DIAPH2: variants seen among roughly 807,000 people sequenced by gnomAD.
DIAPH2 encodes diaphanous related formin 2.
A neutral mutation model predicts 92.7 loss-of-function variants in DIAPH2; 35 were observed. The ratio of observed to expected loss-of-function variants is 0.38; its 90% confidence interval spans 0.29 to 0.50. The LOEUF (loss-of-function observed/expected upper bound fraction) is 0.50, where lower values mean the gene tolerates loss of function less well. Among genes scored for constraint, DIAPH2 ranks in the 20% least tolerant of loss-of-function variants. DIAPH2 has a pLI of 0.94. For synonymous variants in DIAPH2, 301 were observed against 280.4 expected, an observed-to-expected ratio of 1.07 and a Z score of -0.73; for missense variants, 701 against 819.5, an observed-to-expected ratio of 0.86 and a Z score of 1.77.
intron 24 of DIAPH2, among the ~76,000 whole-genome samples, chrX:97,371,802 AC>A (rs1196237768): frequency 9.0e-6 from 1 of 111,090 alleles, no homozygotes; most frequent in African/African-American, 3.3e-5. Context: ...GTCACATACC[AC>A]TTGTTTTGTC....
At chrX:97,394,879 A>G (rs2069690659) in intron 25 of DIAPH2, among the ~76,000 whole-genome samples, 1 of 111,555 alleles carries the variant, frequency 9.0e-6, no homozygotes, top group Admixed American at 9.6e-5. Flanking sequence ...TGTGATTGAA[A>G]TGAGTTTACC....
chrX:97,427,049 G>A (rs1313675295), intron 25 of DIAPH2, among the ~76,000 whole-genome samples: 1 of 108,293 alleles, frequency 9.2e-6, no homozygotes, highest in African/African-American at 3.4e-5. Context: ...ATGGTGGCAG[G>A]CGCCTGTAAT....
intron 14 of DIAPH2, among the ~76,000 whole-genome samples, chrX:96,948,227 A>T (rs1487104345): frequency 2.7e-5 from 3 of 112,498 alleles, no homozygotes; most frequent in African/African-American, 9.7e-5. Flanking sequence ...AAGGAGTTGA[A>T]ACTGCTTGAT....
chrX:97,309,184 T>A (rs761294955), intron 23 of DIAPH2, among the ~76,000 whole-genome samples: 104 of 109,030 alleles, frequency 9.5e-4, no homozygotes, highest in African/African-American at 3.3e-3. Flanking sequence ...TACTGCAACA[T>A]CTGCCTCCTG....
intron 14 of DIAPH2, among the ~76,000 whole-genome samples, chrX:96,946,029 T>A (rs951277773): frequency 8.9e-6 from 1 of 111,760 alleles, no homozygotes; most frequent in Non-Finnish European, 1.9e-5. Flanking sequence ...TTGCAGTGTT[T>A]TCTCTCTTTC....
chrX:97,499,768 T>TA (rs1320806050), intron 26 of DIAPH2, among the ~76,000 whole-genome samples: 4 of 112,367 alleles, frequency 3.6e-5, no homozygotes, highest in Non-Finnish European at 5.6e-5. Context: ...TATGCAGCCA[T>TA]AAAAAAGATA....
chrX:97,370,886 A>G (rs2069442056), intron 24 of DIAPH2, among the ~76,000 whole-genome samples: 1 of 112,367 alleles, frequency 8.9e-6, no homozygotes, highest in Admixed American at 9.5e-5. Context: ...CCTCACCAAC[A>G]CAAGTTTAGG....
At chrX:96,768,547 T>G (rs2064318117) in intron 4 of DIAPH2, among the ~76,000 whole-genome samples, 1 of 111,747 alleles carries the variant, frequency 8.9e-6, no homozygotes, top group Non-Finnish European at 1.9e-5. Flanking sequence ...ATATAAAATA[T>G]AATGACAGGT....
chrX:96,780,153 C>T (rs773752153), intron 4 of DIAPH2, among the ~76,000 whole-genome samples: 1 of 112,211 alleles, frequency 8.9e-6, no homozygotes, highest in Non-Finnish European at 1.9e-5. Flanking sequence ...TGTAAATCAT[C>T]TGGATGTTTT....
At chrX:97,412,355 T>G (rs1213977329) in intron 25 of DIAPH2, among the ~76,000 whole-genome samples, 1 of 111,954 alleles carries the variant, frequency 8.9e-6, no homozygotes, top group Non-Finnish European at 1.9e-5. Flanking sequence ...TTGAAACCAG[T>G]GAGAACAAAG....
At chrX:97,099,446 C>T (rs1468163169) in intron 19 of DIAPH2, among the ~76,000 whole-genome samples, 1 of 111,241 alleles carries the variant, frequency 9.0e-6, no homozygotes, top group Non-Finnish European at 1.9e-5. Context: ...CTTATGTGAT[C>T]TTTTATTCAA....
chrX:97,157,053 G>A (rs1477584647), intron 22 of DIAPH2, among the ~76,000 whole-genome samples: 1 of 111,231 alleles, frequency 9.0e-6, no homozygotes, highest in Non-Finnish European at 1.9e-5. Flanking sequence ...GGTGGCTCAC[G>A]CCTGTAATCC....
At chrX:96,766,541 G>A (rs1172788851) in intron 4 of DIAPH2, among the ~76,000 whole-genome samples, 1 of 111,421 alleles carries the variant, frequency 9.0e-6, no homozygotes, top group Non-Finnish European at 1.9e-5. Context: ...GTACAAAAGG[G>A]CTTTTGCATC....
chrX:97,325,882 T>TTATTTTAGG (rs1168797913), intron 23 of DIAPH2, among the ~76,000 whole-genome samples: 2 of 112,337 alleles, frequency 1.8e-5, no homozygotes, highest in Non-Finnish European at 3.8e-5. Context: ...CGGCCTAATG[T>TTATTTTAGG]TATTTTAGGT....
chrX:96,981,426 TA>T (rs2065996796), intron 17 of DIAPH2, among the ~76,000 whole-genome samples: 1 of 111,852 alleles, frequency 8.9e-6, no homozygotes, highest in Admixed American at 9.5e-5. Context: ...AATACAATAA[TA>T]ATCAATAGAA....
At chrX:97,082,299 A>G (rs2066751738) in intron 19 of DIAPH2, among the ~76,000 whole-genome samples, 1 of 108,678 alleles carries the variant, frequency 9.2e-6, no homozygotes, top group Admixed American at 9.9e-5. Context: ...GACGATGGTC[A>G]GGGTAGAACA....
intron 17 of DIAPH2, among the ~76,000 whole-genome samples, chrX:97,026,823 AT>A (rs1430851880): frequency 8.9e-6 from 1 of 112,174 alleles, no homozygotes; most frequent in African/African-American, 3.2e-5. Flanking sequence ...AATGGCTCTG[AT>A]TTGCCTTTGC....
chrX:97,274,787 T>C (rs5921754), intron 23 of DIAPH2, among the ~76,000 whole-genome samples: 7,334 of 110,481 alleles, frequency 0.066, 290 homozygotes, highest in African/African-American at 0.16. Context: ...AAGGACCCTG[T>C]GGCCTACCGC....
At chrX:97,065,821 C>T (rs775205772) in intron 17 of DIAPH2, among the ~76,000 whole-genome samples, 18 of 111,028 alleles carry the variant, frequency 1.6e-4, no homozygotes, top group South Asian at 3.8e-4. Flanking sequence ...TAGAGGTGGA[C>T]GACAGTGATA....
Sources: gnomAD v4.1 joint callset for allele counts (sites outside exome capture counted in the v4.1 genomes callset) on GRCh38, gnomAD v4.1.1 for gene constraint, MANE v1.5 for transcripts, NCBI Gene and HGNC (gene_info 2026-07-23, HGNC 2026-07-21) for gene names.